Variants in LHFPL3 observed in about 807,000 individuals in gnomAD.
LHFPL3 encodes LHFPL tetraspan subfamily member 3.
In LHFPL3, 5 loss-of-function variants were observed where a neutral mutation model predicts 19.3. That is an observed-to-expected ratio of 0.26 (90% CI 0.14 to 0.54). The LOEUF is 0.54. LHFPL3 is among the 20% of genes least tolerant of loss of function. The pLI, the probability that LHFPL3 is intolerant of heterozygous loss-of-function variation, is 0.94. For missense variants in LHFPL3, 249 were observed against 307.4 expected (o/e 0.81, Z 1.42); for synonymous variants, 133 against 126.2 (o/e 1.05, Z -0.36).
At chr7:104,759,324 A>G (rs1794336129) in intron 2 of LHFPL3, among the ~76,000 whole-genome samples, 1 of 152,180 alleles carries the variant, frequency 6.6e-6, no homozygotes, top group African/African-American at 2.4e-5. Flanking sequence ...TAACTCTGTG[A>G]GCCACATATG....
chr7:104,829,600 A>T (rs7784475), intron 2 of LHFPL3, among the ~76,000 whole-genome samples: 1 of 151,292 alleles, frequency 6.6e-6, no homozygotes, highest in East Asian at 1.9e-4. Flanking sequence ...TTGTCCTTGC[A>T]ATAGTTTGCT....
chr7:104,385,842 T>C (rs1790930893), intron 1 of LHFPL3, among the ~76,000 whole-genome samples: 1 of 152,040 alleles, frequency 6.6e-6, no homozygotes, highest in Non-Finnish European at 1.5e-5. Context: ...TGTTTTTAAA[T>C]ACTTATTTTT....
intron 1 of LHFPL3, among the ~76,000 whole-genome samples, chr7:104,714,875 T>C (rs951112011): frequency 6.6e-6 from 1 of 151,948 alleles, no homozygotes; most frequent in Non-Finnish European, 1.5e-5. Context: ...GGGATGCGTT[T>C]GTGTGTGTGT....
intron 1 of LHFPL3, among the ~76,000 whole-genome samples, chr7:104,430,413 TATATAC>T (rs1274903264): frequency 8.9e-4 from 24 of 26,888 alleles, no homozygotes; most frequent in South Asian, 3.7e-3. Context: ...TACATATATA[TATATAC>T]ATATATATAT....
intron 1 of LHFPL3, among the ~76,000 whole-genome samples, chr7:104,473,497 C>A (rs962327648): frequency 6.6e-6 from 1 of 152,160 alleles, no homozygotes; most frequent in Non-Finnish European, 1.5e-5. Flanking sequence ...CCACTATTTG[C>A]CATGAAAACA....
chr7:104,742,431 T>G (rs1211673856), intron 2 of LHFPL3, among the ~76,000 whole-genome samples: 1 of 152,186 alleles, frequency 6.6e-6, no homozygotes, highest in East Asian at 1.9e-4. Context: ...AATGCTATAG[T>G]GGAGGAGGTA....
At chr7:104,822,779 A>T (rs1254560622) in intron 2 of LHFPL3, among the ~76,000 whole-genome samples, 1 of 152,148 alleles carries the variant, frequency 6.6e-6, no homozygotes, top group East Asian at 1.9e-4. Context: ...CAAGGGGCAA[A>T]CACAGGGAGA....
chr7:104,573,894 A>T (rs1034076924), intron 1 of LHFPL3, among the ~76,000 whole-genome samples: 1 of 152,226 alleles, frequency 6.6e-6, no homozygotes, highest in Non-Finnish European at 1.5e-5. Context: ...GTTAAAAAGG[A>T]ATAGTATTCC....
chr7:104,390,753 CT>C (rs1230874621), intron 1 of LHFPL3, among the ~76,000 whole-genome samples: 6 of 152,210 alleles, frequency 3.9e-5, no homozygotes, highest in African/African-American at 4.8e-5. Flanking sequence ...CTTGAGGAAT[CT>C]CCACACTGTC....
At chr7:104,699,759 C>T (rs181340106) in intron 1 of LHFPL3, among the ~76,000 whole-genome samples, 30 of 152,304 alleles carry the variant, frequency 2.0e-4, no homozygotes, top group African/African-American at 5.3e-4. Context: ...AGCATCCCCT[C>T]GCAGGACAGA....
intron 1 of LHFPL3, among the ~76,000 whole-genome samples, chr7:104,637,474 A>G (rs1225538720): frequency 2.6e-5 from 4 of 152,068 alleles, no homozygotes; most frequent in Non-Finnish European, 5.9e-5. Flanking sequence ...GTCCAGAATG[A>G]TACTTCCTAG....
intron 2 of LHFPL3, among the ~76,000 whole-genome samples, chr7:104,847,248 C>T (rs141988305): frequency 2.0e-5 from 3 of 152,200 alleles, no homozygotes; most frequent in Admixed American, 6.5e-5. Flanking sequence ...GCAGACCCAA[C>T]AGGTGAACAA....
At chr7:104,531,013 A>G (rs1009098107) in intron 1 of LHFPL3, among the ~76,000 whole-genome samples, 2 of 151,910 alleles carry the variant, frequency 1.3e-5, no homozygotes, top group African/African-American at 4.8e-5. Flanking sequence ...TATTGCCTGT[A>G]TTTAAAAAAT....
intron 1 of LHFPL3, among the ~76,000 whole-genome samples, chr7:104,661,081 A>G (rs1235173052): frequency 6.6e-6 from 1 of 152,180 alleles, no homozygotes; most frequent in Non-Finnish European, 1.5e-5. Flanking sequence ...TCCTGTGAGC[A>G]CTGATATCAG....
chr7:104,472,993 T>A (rs912745720), intron 1 of LHFPL3, among the ~76,000 whole-genome samples: 1 of 152,190 alleles, frequency 6.6e-6, no homozygotes, highest in African/African-American at 2.4e-5. Context: ...TAACAAATAT[T>A]AATGATACTA....
chr7:104,430,381 T>TAC (rs10557773), intron 1 of LHFPL3, among the ~76,000 whole-genome samples: 1 of 56,326 alleles, frequency 1.8e-5, no homozygotes, highest in Non-Finnish European at 3.4e-5. Context: ...TATATATATA[T>TAC]ACATATATAT....
intron 1 of LHFPL3, among the ~76,000 whole-genome samples, chr7:104,350,819 T>C (rs4729998): frequency 0.57 from 86,725 of 151,458 alleles, 26,276 homozygotes; most frequent in East Asian, 0.88. Flanking sequence ...GTGGGTGAAT[T>C]CCCTGAGGTC....
intron 1 of LHFPL3, among the ~76,000 whole-genome samples, chr7:104,461,858 T>G (rs1562904830): frequency 6.6e-6 from 1 of 152,186 alleles, no homozygotes; most frequent in Non-Finnish European, 1.5e-5. Context: ...GCCATTTTAA[T>G]AATATTGATT....
chr7:104,432,131 G>C (rs1792015018), intron 1 of LHFPL3, among the ~76,000 whole-genome samples: 1 of 152,224 alleles, frequency 6.6e-6, no homozygotes, highest in Non-Finnish European at 1.5e-5. Flanking sequence ...TCCCTCTGCT[G>C]TCTCTGGCTG....
Sources: gnomAD v4.1 joint callset for allele counts (sites outside exome capture counted in the v4.1 genomes callset) on GRCh38, gnomAD v4.1.1 for gene constraint, MANE v1.5 for transcripts, NCBI Gene and HGNC (gene_info 2026-07-23, HGNC 2026-07-21) for gene names.